The following TACR3 variants were observed in gnomAD, a reference collection of about 807,000 sequenced individuals.
TACR3 encodes the protein neuromedin-K receptor.
A neutral mutation model predicts 35.0 loss-of-function variants in TACR3; 34 were observed. The observed-to-expected ratio is 0.97, with a 90% CI of 0.74 to 1.30. TACR3 has a LOEUF of 1.30. Ranked by LOEUF, TACR3 falls within the 50% of genes most tolerant of loss-of-function variation. The pLI is 0.00. For missense variants in TACR3, 558 were observed against 591.7 expected (o/e 0.94, Z 0.59); for synonymous variants, 233 against 221.1 (o/e 1.05, Z -0.48).
intron 1 of TACR3, among the ~76,000 whole-genome samples, chr4:103,710,440 A>G (rs567869678): frequency 1.4e-4 from 21 of 150,644 alleles, no homozygotes; most frequent in African/African-American, 4.8e-4. Context: ...TCAGAAATAA[A>G]GATGAGAACA....
intron 1 of TACR3, among the ~76,000 whole-genome samples, chr4:103,708,562 A>C (rs757501019): frequency 7.9e-5 from 12 of 152,210 alleles, no homozygotes; most frequent in Non-Finnish European, 1.5e-4. Context: ...GGGAAAAAAC[A>C]GAGCAGAAAA....
chr4:103,615,396 T>TGA (rs1424120503), intron 3 of TACR3, among the ~76,000 whole-genome samples: 33 of 122,604 alleles, frequency 2.7e-4, no homozygotes, highest in African/African-American at 4.6e-4. Context: ...TGTGTGTGTG[T>TGA]GTGAGAGAGA....
At chr4:103,699,914 AT>A (rs1722607037) in intron 1 of TACR3, among the ~76,000 whole-genome samples, 1 of 152,114 alleles carries the variant, frequency 6.6e-6, no homozygotes, top group Non-Finnish European at 1.5e-5. Flanking sequence ...AAAACTCTGG[AT>A]TACTGACAAG....
chr4:103,609,758 C>T (rs1250344533), intron 3 of TACR3, among the ~76,000 whole-genome samples: 1 of 152,030 alleles, frequency 6.6e-6, no homozygotes, highest in African/African-American at 2.4e-5. Context: ...CCCATCCCCT[C>T]TCCTGCCACT....
In TACR3 at chr4:103,719,395, A is replaced by G; in HGVS notation, c.281T>C (p.Val94Ala). ...TCCCAAAACTGCCACTGCCACCACC[A>G]CACCATACGCCAGGGACCAGAGCGC... is the stretch of plus-strand genomic sequence containing the variant. The part of the protein sequence containing the change: ...RIALWSLAYG[V>A]VVAVAVLGNL... Residue 94 changes from valine (V) to alanine (A), a missense_variant, in exon 1 of 5, where the codon GTG (valine) becomes GCG (alanine). Val to Ala is a moderately conservative substitution (Grantham distance 64, BLOSUM62 0). Transcript: ENST00000304883. 1 of 1,614,210 alleles carries G rather than the reference A, an allele frequency of 6.2e-7. No individual in the cohort carries two copies. The highest frequency in any genetic ancestry group is 8.5e-7 in the Non-Finnish European group (1 of 1,180,042).
intron 1 of TACR3, among the ~76,000 whole-genome samples, chr4:103,695,717 G>C (rs899609896): frequency 1.0e-4 from 15 of 149,834 alleles, no homozygotes; most frequent in East Asian, 3.9e-4. Context: ...CTCTCTGTGT[G>C]TGTGTGTGTG....
intron 3 of TACR3, among the ~76,000 whole-genome samples, chr4:103,599,591 T>C (rs71487677): frequency 6.6e-6 from 1 of 152,186 alleles, no homozygotes; most frequent in African/African-American, 2.4e-5. Context: ...GGCTGTGGGT[T>C]TGTCATAGAT....
chr4:103,715,410 T>C (rs189839542), intron 1 of TACR3, among the ~76,000 whole-genome samples: 1 of 152,290 alleles, frequency 6.6e-6, no homozygotes, highest in Admixed American at 6.5e-5. Flanking sequence ...CTACTGCTCC[T>C]GCTTTGTCTT....
intron 1 of TACR3, among the ~76,000 whole-genome samples, chr4:103,686,967 CCTTGA>C (rs2110213909): frequency 6.6e-6 from 1 of 152,276 alleles, no homozygotes; most frequent in South Asian, 2.1e-4. Flanking sequence ...AGACCAATGT[CCTTGA>C]TGAACACTGA....
intron 3 of TACR3, among the ~76,000 whole-genome samples, chr4:103,617,674 T>C (rs1724691061): frequency 6.6e-6 from 1 of 152,226 alleles, no homozygotes; most frequent in Non-Finnish European, 1.5e-5. Flanking sequence ...TGATTCATTA[T>C]CGTTTAATGT....
At chr4:103,688,911 A>C (rs1722324231) in intron 1 of TACR3, among the ~76,000 whole-genome samples, 1 of 152,160 alleles carries the variant, frequency 6.6e-6, no homozygotes, top group South Asian at 2.1e-4. Context: ...ATATACCCAA[A>C]GGACTATAAA....
chr4:103,621,654 A>G (rs1724784827), intron 3 of TACR3, among the ~76,000 whole-genome samples: 2 of 152,346 alleles, frequency 1.3e-5, no homozygotes, highest in African/African-American at 2.4e-5. Context: ...GAAAAGTTAT[A>G]GATTATTTCC....
At chr4:103,608,362 C>T (rs559063110) in intron 3 of TACR3, among the ~76,000 whole-genome samples, 27 of 152,046 alleles carry the variant, frequency 1.8e-4, no homozygotes, top group African/African-American at 5.3e-4. Flanking sequence ...ACATTAAGCA[C>T]GCATGGACAT....
chr4:103,688,307 C>A (rs1463043243), intron 1 of TACR3, among the ~76,000 whole-genome samples: 3 of 152,118 alleles, frequency 2.0e-5, no homozygotes, highest in Non-Finnish European at 4.4e-5. Flanking sequence ...AGAAGAAAAC[C>A]TACGCATTGC....
At chr4:103,684,279 A>G (rs985035034) in intron 1 of TACR3, among the ~76,000 whole-genome samples, 1 of 152,174 alleles carries the variant, frequency 6.6e-6, no homozygotes, top group African/African-American at 2.4e-5. Context: ...TAATGTCTCT[A>G]TTCATACAAT....
intron 3 of TACR3, among the ~76,000 whole-genome samples, chr4:103,617,824 G>T (rs1022468180): frequency 6.6e-6 from 1 of 152,040 alleles, no homozygotes; most frequent in African/African-American, 2.4e-5. Context: ...CATATATAAT[G>T]ATTATTTTTT....
At chr4:103,654,819 C>A (rs1377366541) in intron 3 of TACR3, among the ~76,000 whole-genome samples, 1 of 151,846 alleles carries the variant, frequency 6.6e-6, no homozygotes, top group Non-Finnish European at 1.5e-5. Flanking sequence ...TAAGATATAG[C>A]TATAAGAAAT....
At chr4:103,598,787 G>C (rs1364932680) in intron 3 of TACR3, among the ~76,000 whole-genome samples, 1 of 152,070 alleles carries the variant, frequency 6.6e-6, no homozygotes, top group Non-Finnish European at 1.5e-5. Context: ...TATTTCTGAG[G>C]GCTCTGTTCT....
intron 1 of TACR3, among the ~76,000 whole-genome samples, chr4:103,718,295 C>T (rs192208605): frequency 6.6e-6 from 1 of 152,278 alleles, no homozygotes; most frequent in East Asian, 1.9e-4. Flanking sequence ...AAAGCTGAGA[C>T]TGAAATCAAC....
Sources: allele counts gnomAD v4.1 joint callset (sites outside exome capture counted in the v4.1 genomes callset), GRCh38; gene constraint gnomAD v4.1.1; transcripts MANE v1.5; gene names NCBI Gene and HGNC (gene_info 2026-07-23, HGNC 2026-07-21).